The following NEDD4 variants were observed in gnomAD, a reference collection of about 807,000 sequenced individuals.
NEDD4 encodes E3 ubiquitin-protein ligase NEDD4.
NEDD4 carries 99 observed loss-of-function variants against 144.9 expected under a neutral mutation model. The observed-to-expected ratio is 0.68, with a 90% confidence interval of 0.58 to 0.81. The LOEUF is 0.81. Among genes scored for constraint, NEDD4 ranks in the 30% least tolerant of loss-of-function variants. NEDD4 has a pLI of 0.00. For synonymous variants in NEDD4, 318 were observed against 350.6 expected (o/e 0.91, Z 1.04); for missense variants, 985 against 1,065.9 (o/e 0.92, Z 1.06).
At chr15:55,833,224 T>C in intron 26 of NEDD4, 120 bp from the exon 27 acceptor site, 1 of 627,928 alleles carries the variant, frequency 1.6e-6, no homozygotes, top group African/African-American at 1.8e-5. Context: ...TGTGGATGTT[T>C]CTTTCAGTTA....
chr15:55,935,273 T>C (rs931716517), intron 4 of NEDD4, among the ~76,000 whole-genome samples: 18 of 152,212 alleles, frequency 1.2e-4, no homozygotes, highest in African/African-American at 4.3e-4. Context: ...TTTCGTTGTA[T>C]GAATGTATCA....
At chr15:55,979,980 G>A (rs1411793272) in intron 1 of NEDD4, among the ~76,000 whole-genome samples, 4 of 151,400 alleles carry the variant, frequency 2.6e-5, no homozygotes, top group East Asian at 2.0e-4. Context: ...GCGCAATCTC[G>A]GCTCACTGCA....
At chr15:55,935,060 G>A (rs1014461937) in intron 4 of NEDD4, among the ~76,000 whole-genome samples, 3 of 151,656 alleles carry the variant, frequency 2.0e-5, no homozygotes, top group South Asian at 2.1e-4. Context: ...TAGAGATGGG[G>A]TTTCACCATG....
chr15:55,838,301 T>C, intron 22 of NEDD4, 121 bp from the exon 23 acceptor site: 1 of 761,068 alleles, frequency 1.3e-6, no homozygotes. Flanking sequence ...AGTTAAAAAC[T>C]AAGAAAACTT....
chr15:55,840,738 A>G lies in NEDD4; in HGVS notation c.1839-11T>C, dbSNP rs2033466167. 3 of 1,598,536 alleles carry G rather than the reference A, an allele frequency of 1.9e-6. No homozygotes were observed. Among genetic ancestry groups the G allele is most frequent in the Non-Finnish European group, 2.6e-6 (3 of 1,175,296 alleles). On this transcript the variant is annotated splice_polypyrimidine_tract_variant and intron_variant, in intron 19 of 28. Coordinates refer to ENST00000435532, the MANE Select transcript of NEDD4 (RefSeq NM_006154.4). ...AGGGTATAATTGTCCCTGTAAAGAC[A>G]ACCCCATTTAAATACTTCATTTGAA...
At chr15:55,945,002 T>C (rs1423191145) in intron 4 of NEDD4, among the ~76,000 whole-genome samples, 5 of 152,094 alleles carry the variant, frequency 3.3e-5, no homozygotes, top group Non-Finnish European at 1.5e-5. Flanking sequence ...AAACCCCATC[T>C]GTATGTCACG....
intron 5 of NEDD4, among the ~76,000 whole-genome samples, chr15:55,912,499 T>G (rs2036306275): frequency 6.6e-6 from 1 of 151,988 alleles, no homozygotes; most frequent in African/African-American, 2.4e-5. Flanking sequence ...TGAATATAAG[T>G]AAAGAATGGA....
At chr15:55,930,491 C>T (rs1248609756) in intron 4 of NEDD4, among the ~76,000 whole-genome samples, 3 of 152,126 alleles carry the variant, frequency 2.0e-5, no homozygotes, top group Non-Finnish European at 2.9e-5. Flanking sequence ...ACCTTCCATT[C>T]AACTAGTTGG....
At chr15:55,860,141 C>T (rs548890757) in intron 11 of NEDD4, among the ~76,000 whole-genome samples, 2 of 152,188 alleles carry the variant, frequency 1.3e-5, no homozygotes, top group Non-Finnish European at 2.9e-5. Flanking sequence ...GAATAATAAA[C>T]CCAACTTGTT....
chr15:55,855,815 A>G (rs2034170688), intron 12 of NEDD4, among the ~76,000 whole-genome samples: 1 of 152,232 alleles, frequency 6.6e-6, no homozygotes, highest in South Asian at 2.1e-4. Flanking sequence ...TGTGCAGAAC[A>G]TCAGCAAATG....
At chr15:55,947,130 T>C (rs1284507774) in intron 4 of NEDD4, among the ~76,000 whole-genome samples, 7 of 152,092 alleles carry the variant, frequency 4.6e-5, no homozygotes, top group African/African-American at 9.7e-5. Context: ...ATTCAAAAGC[T>C]AGCAGAAGAC....
At chr15:55,984,884 A>T (rs2037864688) in intron 1 of NEDD4, among the ~76,000 whole-genome samples, 1 of 152,230 alleles carries the variant, frequency 6.6e-6, no homozygotes, top group Admixed American at 6.5e-5. Flanking sequence ...CAGCAATTCA[A>T]ATCAGCTATC....
intron 5 of NEDD4, chr15:55,916,524 C>T (rs947694312): frequency 5.0e-6 from 8 of 1,614,052 alleles, no homozygotes; most frequent in Non-Finnish European, 1.7e-6. Context: ...TAAGACATTG[C>T]TAGACTGAAG....
At chr15:55,870,606 T>A (rs558054871) in intron 7 of NEDD4, among the ~76,000 whole-genome samples, 7 of 150,792 alleles carry the variant, frequency 4.6e-5, no homozygotes, top group African/African-American at 9.7e-5. Flanking sequence ...CAATTACGGT[T>A]CACTGCAGCC....
intron 27 of NEDD4, 78 bp from the exon 28 acceptor site, chr15:55,830,664 A>C: frequency 2.8e-6 from 3 of 1,055,036 alleles, no homozygotes; most frequent in Non-Finnish European, 4.4e-6. Flanking sequence ...TCTAGTGTAC[A>C]CTAGTTCCTA....
intron 4 of NEDD4, among the ~76,000 whole-genome samples, chr15:55,937,107 A>G (rs1461483999): frequency 6.6e-6 from 1 of 152,182 alleles, no homozygotes. Context: ...TTTGCTATTG[A>G]GCACTAACTT....
chr15:55,851,937 C>A (rs898056437), intron 13 of NEDD4, among the ~76,000 whole-genome samples: 1 of 151,966 alleles, frequency 6.6e-6, no homozygotes, highest in South Asian at 2.1e-4. Flanking sequence ...AGTGGTAATT[C>A]GTGTATATTA....
At chr15:55,916,557 T>C (rs372470866) in intron 5 of NEDD4, 3 of 1,614,126 alleles carry the variant, frequency 1.9e-6, no homozygotes, top group African/African-American at 2.7e-5. Context: ...CCTTGTTGGC[T>C]GTAGTGAAAT....
At position 55,927,656 on chromosome 15, in the gene NEDD4, T is replaced by C. The variant is rs545455863; in HGVS notation, c.238-2957A>G. 9.2e-5 allele frequency among the ~76,000 whole-genome samples: 14 copies of C among 152,126 alleles called. No individual in the cohort carries two copies. In the South Asian group the frequency reaches 2.9e-3, roughly 32 times the overall value. ...ATCCAGAAGAAGAGTTAAGACTTGA[T>C]TGGTAGGGGGATCAAAGCAGTTTTA... is the stretch of plus-strand genomic sequence containing the variant. On this transcript the variant is annotated intron_variant, in intron 4 of 28. Transcript: ENST00000435532.
Sources: gnomAD v4.1 joint callset for allele counts (sites outside exome capture counted in the v4.1 genomes callset) on GRCh38, gnomAD v4.1.1 for gene constraint, MANE v1.5 for transcripts, NCBI Gene and HGNC (gene_info 2026-07-23, HGNC 2026-07-21) for gene names.